Variants in LZTR1 observed in about 807,000 individuals in gnomAD.
LZTR1 encodes the protein leucine zipper like post translational regulator 1.
In LZTR1, 260 loss-of-function variants were observed where a neutral mutation model predicts 105.7. The ratio of observed to expected loss-of-function variants is 2.46; its 90% CI spans 2.22 to 2.72. The LOEUF is 2.72. Among genes scored for constraint, LZTR1 ranks in the 30% most tolerant of loss-of-function variants. The pLI, the probability that LZTR1 is intolerant of heterozygous loss-of-function variation, is 0.00. For missense variants in LZTR1, 1,214 were observed against 1,166.9 expected (o/e 1.04, Z -0.59); for synonymous variants, 490 against 476.4 (o/e 1.03, Z -0.37).
chr22:20,994,807 C>G (rs1924766448), intron 15 of LZTR1, 63 bp from the exon 16 acceptor site: 1 of 1,608,812 alleles, frequency 6.2e-7, no homozygotes, highest in African/African-American at 1.3e-5. Flanking sequence ...CCACTGTGAG[C>G]CCCTCGCCCA....
At chr22:20,995,620 GGCCTTCT>G (rs1206590006) in intron 16 of LZTR1, 119 bp from the exon 17 acceptor site, 1 of 1,175,996 alleles carries the variant, frequency 8.5e-7, no homozygotes, top group East Asian at 2.3e-5. Flanking sequence ...GGGCGAGTGA[GGCCTTCT>G]GCCTGGGTGA....
Position 20,994,178 on chromosome 22 carries a change from G to T in LZTR1, c.1524G>T (p.Leu508=). Residue 508 remains leucine (L), a synonymous_variant, in exon 14 of 21, where the codon CTG becomes CTT. Transcript: ENST00000646124. Reference sequence around the variant, plus strand: ...CTGCTGGTGGGGCCCGGCCGCCCCTGCTGCACGTGGCCATCCGGGAGGCCG... The same window carrying T: ...CTGCTGGTGGGGCCCGGCCGCCCCTTCTGCACGTGGCCATCCGGGAGGCCG... ...GVAAGGARPP[L]LHVAIREAEA... The T allele has an allele frequency of 6.2e-7, 1 of 1,601,808 alleles. No homozygotes were observed. Among genetic ancestry groups the T allele is most frequent in the Non-Finnish European group, 8.5e-7 (1 of 1,176,726 alleles).
chr22:20,990,573 G>A (rs370477607), intron 8 of LZTR1, 48 bp downstream of exon 8: 41 of 1,544,502 alleles, frequency 2.7e-5, no homozygotes, highest in South Asian at 8.6e-5. Flanking sequence ...CAGTTCCCTC[G>A]AATCCTTCTG....
chr22:20,991,895 C>A, intron 9 of LZTR1, 66 bp downstream of exon 9: 1 of 1,431,772 alleles, frequency 7.0e-7, no homozygotes, highest in Non-Finnish European at 9.4e-7. Flanking sequence ...CTGCTCCCAC[C>A]CAGCTCCTCA....
At chr22:20,988,142 T>C (rs746686566) in intron 5 of LZTR1, 24 bp downstream of exon 5, 1 of 1,468,510 alleles carries the variant, frequency 6.8e-7, no homozygotes, top group Non-Finnish European at 9.5e-7. Context: ...CAGAAACATT[T>C]GGGACAGGCT....
chr22:20,991,933 A>G, intron 9 of LZTR1, 104 bp downstream of exon 9: 3 of 1,151,032 alleles, frequency 2.6e-6, no homozygotes, highest in Non-Finnish European at 3.6e-6. Context: ...GGGGTTCCAG[A>G]CAGCTACCAG....
At chr22:20,988,933 G>T in intron 6 of LZTR1, 61 bp downstream of exon 6, 3 of 1,470,490 alleles carry the variant, frequency 2.0e-6, no homozygotes, top group Non-Finnish European at 2.8e-6. Context: ...GGAGCAGGCC[G>T]TCCTGGCATT....
intron 14 of LZTR1, 34 bp from the exon 15 acceptor site, chr22:20,994,524 C>T (rs759186592): frequency 1.2e-4 from 188 of 1,597,322 alleles, no homozygotes; most frequent in Non-Finnish European, 1.4e-4. Flanking sequence ...CTCCCCTCTC[C>T]GGCTCCCTGA....
chr22:20,988,184 C>T (rs1924468180), intron 5 of LZTR1, 66 bp downstream of exon 5: 1 of 997,920 alleles, frequency 1.0e-6, no homozygotes, highest in South Asian at 1.3e-5. Flanking sequence ...CTGGGATCTG[C>T]CCCCTTTTGC....
chr22:20,994,254 A>T lies in LZTR1; in HGVS notation c.1600A>T (p.Lys534Ter). ...GCAGTTCCTCTACACCGACAAGATC[A>T]AATACCCACGGAAAGGTCCGCCTGG... ...LMQFLYTDKI[K>*]YPRKGHVEDV... Residue 534 changes from lysine (K) to a stop codon, truncating the protein, a stop_gained, in exon 14 of 21, where the codon AAA becomes TAA. Coordinates refer to ENST00000646124, the MANE Select transcript of LZTR1 (RefSeq NM_006767.4). LOFTEE classifies it high-confidence loss of function. 1 of 1,598,666 alleles carries T rather than the reference A, an allele frequency of 6.3e-7. No homozygotes were observed. Among genetic ancestry groups the T allele is most frequent in the Non-Finnish European group, 8.5e-7 (1 of 1,179,474 alleles).
rs746206940 is a variant in LZTR1, at chr22:20,997,384, G to A, written c.*36G>A. ...CGCCTGCCCATTGTGAAGAATCGCC[G>A]TGCCTGCCTGCCCTGCCTACTGAGA... On this transcript the variant is annotated 3_prime_UTR_variant, in exon 21 of 21. Coordinates refer to ENST00000646124, the MANE Select transcript of LZTR1 (RefSeq NM_006767.4). 8 of 1,460,512 alleles carry A rather than the reference G, an allele frequency of 5.5e-6. No homozygotes were observed. The South Asian group carries it at 5.7e-5, about 10-fold the overall frequency. 90.5% of individuals were successfully genotyped at this position (1,460,512 alleles called of 1,614,324 possible).
At chr22:20,995,454 G>A (rs1430766812) in intron 16 of LZTR1, 1 of 645,954 alleles carries the variant, frequency 1.5e-6, no homozygotes, top group Admixed American at 2.1e-5. Context: ...CAGAGGCCAT[G>A]CAGTGGGCCT....
rs1018087434 is a variant in LZTR1 at position 20,985,831 on chromosome 22, T to G, written c.264-10T>G. 1.2e-6 allele frequency: 2 copies of G among 1,613,936 alleles called. No homozygotes were observed. Among genetic ancestry groups the G allele is most frequent in the African/African-American group, 1.3e-5 (1 of 74,924 alleles). On this transcript the variant is annotated splice_polypyrimidine_tract_variant and intron_variant, in intron 2 of 20. Transcript: ENST00000646124. ...GGCTAATGCCACCCTCTCTTCCGGC[T>G]GCCTTTCAGGAAGACCATGCTCAAT...
chr22:20,990,499 C>G lies in LZTR1; in HGVS notation c.765C>G (p.Leu255=), dbSNP rs1339723737. 2 of 1,613,324 alleles carry G rather than the reference C, an allele frequency of 1.2e-6. No individual in the cohort carries two copies. The highest frequency in any genetic ancestry group is 1.7e-6 in the Non-Finnish European group (2 of 1,179,540). ...GQSGAKITNN[L]FQFEFKDKTW... ...GCGGAGCCAAAATAACCAACAACCT[C>G]TTCCAGTTTGAATTCAAGGACAAGA... The change falls in exon 8 of 21, where the codon CTC becomes CTG. Residue 255 remains leucine (L), a synonymous_variant. Transcript: ENST00000646124.
intron 2 of LZTR1, 87 bp from the exon 3 acceptor site, chr22:20,985,754 C>G: frequency 7.8e-7 from 1 of 1,288,166 alleles, no homozygotes; most frequent in Non-Finnish European, 1.1e-6. Context: ...GCCCCCTACT[C>G]TACCCTGGCT....
At chr22:20,995,468 G>T in intron 16 of LZTR1, 2 of 653,214 alleles carry the variant, frequency 3.1e-6, no homozygotes, top group East Asian at 3.2e-5. Context: ...TGGGCCTGGA[G>T]GGGGCTTGAT....
In LZTR1 at chr22:20,994,173, C is replaced by A; in HGVS notation, c.1519C>A (p.Pro507Thr). The change falls in exon 14 of 21, where the codon CCC (proline) becomes ACC (threonine). Residue 507 changes from proline to threonine, a missense_variant. Transcript: ENST00000646124. ...CGTGGCTGCTGGTGGGGCCCGGCCG[C>A]CCCTGCTGCACGTGGCCATCCGGGA... The part of the protein sequence containing the change: ...PGVAAGGARP[P>T]LLHVAIREAE... The A allele has an allele frequency of 6.2e-7, 1 of 1,600,208 alleles. No individual in the cohort carries two copies. Among genetic ancestry groups the A allele is most frequent in the Non-Finnish European group, 8.5e-7 (1 of 1,175,474 alleles).
At chr22:20,987,621 C>T (rs138413566) in intron 4 of LZTR1, 38 bp downstream of exon 4, 59 of 1,575,308 alleles carry the variant, frequency 3.7e-5, no homozygotes, top group African/African-American at 1.2e-4. Context: ...TGTGTCGCCC[C>T]GAGGCCCACA....
chr22:20,994,253 C>CA lies in LZTR1; in HGVS notation c.1602dup (p.Tyr535IlefsTer134). 1 of 1,598,612 alleles carries CA rather than the reference C, an allele frequency of 6.3e-7. No individual in the cohort carries two copies. On this transcript the variant is annotated frameshift_variant, in exon 14 of 21. Coordinates refer to ENST00000646124, the MANE Select transcript of LZTR1 (RefSeq NM_006767.4). LOFTEE classifies it high-confidence loss of function. ...TGCAGTTCCTCTACACCGACAAGAT[C>CA]AAATACCCACGGAAAGGTCCGCCTG...
Sources: allele counts gnomAD v4.1 joint callset, GRCh38; gene constraint gnomAD v4.1.1; transcripts MANE v1.5; gene names NCBI Gene and HGNC (gene_info 2026-07-23, HGNC 2026-07-21).